Variants in MTHFD1L observed in about 807,000 individuals in gnomAD.
MTHFD1L encodes the protein monofunctional C1-tetrahydrofolate synthase, mitochondrial.
A neutral mutation model predicts 119.5 loss-of-function variants in MTHFD1L; 81 were observed. The observed-to-expected ratio is 0.68, with a 90% confidence interval of 0.57 to 0.82. The LOEUF is 0.82. Ranked by LOEUF, MTHFD1L falls within the 40% of genes least tolerant of loss-of-function variation. The pLI, the probability that MTHFD1L is intolerant of heterozygous loss-of-function variation, is 0.00. For synonymous variants in MTHFD1L, 430 were observed against 475.2 expected (o/e 0.90, Z 1.24); for missense variants, 1,125 against 1,253.4 (o/e 0.90, Z 1.55).
At chr6:151,091,337 A>G (rs1344266658) in intron 26 of MTHFD1L, among the ~76,000 whole-genome samples, 2 of 151,070 alleles carry the variant, frequency 1.3e-5, no homozygotes, top group Non-Finnish European at 3.0e-5. Context: ...ATTAAAGCAC[A>G]GTAGGAAATG....
At chr6:151,055,800 A>G (rs1345184603) in intron 26 of MTHFD1L, 1 of 152,248 alleles carries the variant, frequency 6.6e-6, no homozygotes, top group Admixed American at 6.5e-5. Flanking sequence ...TGTTGGGATT[A>G]CAGGCGAGAG....
At chr6:150,959,159 A>C in intron 17 of MTHFD1L, 2 of 979,776 alleles carry the variant, frequency 2.0e-6, no homozygotes, top group Non-Finnish European at 2.4e-6. Context: ...ACTTTCAGGT[A>C]ATATTTTTTC....
intron 11 of MTHFD1L, chr6:150,935,321 A>G: frequency 3.1e-6 from 5 of 1,612,658 alleles, no homozygotes; most frequent in Non-Finnish European, 4.2e-6. Flanking sequence ...TCACAAAATA[A>G]CTAGGATATC....
At chr6:151,043,413 T>A (rs1787450955) in intron 26 of MTHFD1L, among the ~76,000 whole-genome samples, 1 of 151,874 alleles carries the variant, frequency 6.6e-6, no homozygotes, top group African/African-American at 2.4e-5. Context: ...TACAGGTATA[T>A]GCCACCACAT....
At chr6:150,963,890 G>A (rs769509177) in intron 18 of MTHFD1L, among the ~76,000 whole-genome samples, 21 of 152,196 alleles carry the variant, frequency 1.4e-4, no homozygotes, top group East Asian at 3.8e-4. Flanking sequence ...AACAAAGGCC[G>A]GGCACGGTGG....
chr6:151,090,750 G>A (rs75723515), intron 26 of MTHFD1L, among the ~76,000 whole-genome samples: 8,557 of 152,258 alleles, frequency 0.056, 349 homozygotes, highest in South Asian at 0.14. Context: ...CTTGGCCAGG[G>A]CCTGTGGAGG....
At chr6:150,895,947 C>T (rs189118541) in intron 7 of MTHFD1L, among the ~76,000 whole-genome samples, 12 of 152,240 alleles carry the variant, frequency 7.9e-5, no homozygotes, top group East Asian at 3.9e-4. Flanking sequence ...TACTCTGAAC[C>T]AGGCACTGTC....
intron 18 of MTHFD1L, among the ~76,000 whole-genome samples, chr6:150,964,011 C>CA (rs1292928298): frequency 1.3e-5 from 2 of 152,016 alleles, no homozygotes; most frequent in African/African-American, 2.4e-5. Flanking sequence ...GCTAAAAATA[C>CA]AAAAAAAATT....
intron 26 of MTHFD1L, among the ~76,000 whole-genome samples, chr6:151,062,907 A>G (rs1790812100): frequency 6.6e-6 from 1 of 152,026 alleles, no homozygotes; most frequent in African/African-American, 2.4e-5. Context: ...GGGGGGAGGG[A>G]TAGCATTAGG....
chr6:151,015,058 T>C, intron 23 of MTHFD1L, 78 bp downstream of exon 23: 1 of 1,191,894 alleles, frequency 8.4e-7, no homozygotes, highest in Admixed American at 2.2e-5. Flanking sequence ...CTTGGGGTAT[T>C]TGGTCTTTCT....
At chr6:151,062,280 CA>C (rs932947702) in intron 26 of MTHFD1L, among the ~76,000 whole-genome samples, 1 of 151,858 alleles carries the variant, frequency 6.6e-6, no homozygotes, top group South Asian at 2.1e-4. Flanking sequence ...ACTAAAAATA[CA>C]AAAAAAATTA....
intron 1 of MTHFD1L, among the ~76,000 whole-genome samples, chr6:150,867,063 C>T (rs1418111797): frequency 1.3e-5 from 2 of 152,140 alleles, no homozygotes; most frequent in African/African-American, 4.8e-5. Context: ...TCTGCCTTTC[C>T]TTCCTCCCTC....
intron 20 of MTHFD1L, among the ~76,000 whole-genome samples, chr6:150,974,724 C>CTTTTTTTTTTTTTTTTTTTTTTTTT (rs58490721): frequency 6.9e-6 from 1 of 144,616 alleles, no homozygotes; most frequent in African/African-American, 2.5e-5. Context: ...AATTCTCTTC[C>CTTTTTTTTTTTTTTTTTTTTTTTTT]TTTTTTTTTT....
At chr6:150,874,586 G>A (rs973477929) in intron 1 of MTHFD1L, among the ~76,000 whole-genome samples, 1 of 152,232 alleles carries the variant, frequency 6.6e-6, no homozygotes. Context: ...AAAATGTAAA[G>A]GTGGTCTTAG....
chr6:150,872,816 C>T (rs1320384923), intron 1 of MTHFD1L, among the ~76,000 whole-genome samples: 1 of 151,454 alleles, frequency 6.6e-6, no homozygotes, highest in Non-Finnish European at 1.5e-5. Context: ...TATCCACATC[C>T]ACCCCCCAAC....
chr6:150,909,476 C>CAAATAGT (rs886285884), intron 8 of MTHFD1L, among the ~76,000 whole-genome samples: 12 of 152,218 alleles, frequency 7.9e-5, no homozygotes, highest in African/African-American at 2.4e-4. Context: ...CTCCCGGCCT[C>CAAATAGT]AAATAGTCCT....
chr6:150,899,452 TGC>T (rs1784773385), intron 7 of MTHFD1L, among the ~76,000 whole-genome samples: 1 of 152,266 alleles, frequency 6.6e-6, no homozygotes, highest in African/African-American at 2.4e-5. Flanking sequence ...TACCTTTTGC[TGC>T]AATTGTCATC....
At chr6:150,901,447 C>T (rs531906537) in intron 7 of MTHFD1L, among the ~76,000 whole-genome samples, 25 of 152,318 alleles carry the variant, frequency 1.6e-4, no homozygotes, top group Admixed American at 7.2e-4. Flanking sequence ...CACTGCATTC[C>T]AGCCTAGAGG....
At chr6:150,917,817 C>T (rs1044284196) in intron 8 of MTHFD1L, among the ~76,000 whole-genome samples, 2 of 152,318 alleles carry the variant, frequency 1.3e-5, no homozygotes, top group South Asian at 4.1e-4. Flanking sequence ...ACTCTGAATT[C>T]TGTGGCCTAA....
Sources: gnomAD v4.1 joint callset for allele counts (sites outside exome capture counted in the v4.1 genomes callset) on GRCh38, gnomAD v4.1.1 for gene constraint, MANE v1.5 for transcripts, NCBI Gene and HGNC (gene_info 2026-07-23, HGNC 2026-07-21) for gene names.